The following ROBO2 variants were observed in gnomAD, a reference collection of about 807,000 sequenced individuals.
ROBO2 encodes the protein roundabout guidance receptor 2.
Under a neutral mutation model 160.8 loss-of-function variants are expected in ROBO2, and 53 were observed. The ratio of observed to expected loss-of-function variants is 0.33; its 90% CI spans 0.26 to 0.41. ROBO2 has a LOEUF of 0.41. Ranked by LOEUF, ROBO2 falls within the 10% of genes least tolerant of loss-of-function variation. The pLI is 1.00. For missense variants in ROBO2, 1,577 were observed against 1,722.4 expected, an observed-to-expected ratio of 0.92 and a Z score of 1.49; for synonymous variants, 664 against 611.7, an observed-to-expected ratio of 1.09 and a Z score of -1.26.
chr3:76,776,541 C>T (rs914187549), intron 2 of ROBO2, among the ~76,000 whole-genome samples: 1 of 150,562 alleles, frequency 6.6e-6, no homozygotes, highest in African/African-American at 2.4e-5. Flanking sequence ...TACTTCACAC[C>T]CTTTAAGGGC....
At chr3:75,938,563 C>A (rs1381940099) in intron 2 of ROBO2, among the ~76,000 whole-genome samples, 1 of 151,940 alleles carries the variant, frequency 6.6e-6, no homozygotes, top group African/African-American at 2.4e-5. Context: ...AGGTGTATTA[C>A]TCCAGATAAA....
At chr3:77,279,094 T>A (rs1215052512) in intron 2 of ROBO2, among the ~76,000 whole-genome samples, 1 of 152,130 alleles carries the variant, frequency 6.6e-6, no homozygotes, top group Non-Finnish European at 1.5e-5. Context: ...TGTTGTGAGA[T>A]GTGTTAAGGG....
intron 2 of ROBO2, among the ~76,000 whole-genome samples, chr3:76,745,277 A>G (rs1576374690): frequency 1.3e-5 from 2 of 152,240 alleles, no homozygotes; most frequent in South Asian, 2.1e-4. Context: ...TCGAGTTACT[A>G]TATTTCTTCC....
At chr3:77,377,296 C>T (rs562132015) in intron 2 of ROBO2, among the ~76,000 whole-genome samples, 8 of 152,276 alleles carry the variant, frequency 5.3e-5, no homozygotes, top group African/African-American at 1.4e-4. Flanking sequence ...TTTCCAATGG[C>T]AACTGATGTT....
chr3:76,685,801 T>C (rs921045779), intron 2 of ROBO2, among the ~76,000 whole-genome samples: 1 of 152,170 alleles, frequency 6.6e-6, no homozygotes, highest in Non-Finnish European at 1.5e-5. Context: ...AAATGAATAT[T>C]AATGTGCATC....
intron 2 of ROBO2, among the ~76,000 whole-genome samples, chr3:77,387,703 C>A (rs2153495279): frequency 6.6e-6 from 1 of 151,972 alleles, no homozygotes; most frequent in East Asian, 1.9e-4. Flanking sequence ...TGTTCCTAAG[C>A]AGATAGCTAC....
At chr3:76,694,784 T>C (rs2092892792) in intron 2 of ROBO2, among the ~76,000 whole-genome samples, 3 of 152,188 alleles carry the variant, frequency 2.0e-5, no homozygotes. Context: ...ATATGAACAT[T>C]GACCATGTTA....
At chr3:77,050,937 G>T (rs1292585958) in intron 1 of ROBO2, among the ~76,000 whole-genome samples, 1 of 151,444 alleles carries the variant, frequency 6.6e-6, no homozygotes, top group East Asian at 1.9e-4. Flanking sequence ...AGGATTGCTT[G>T]TGTCTGCGAG....
rs772327319 is a variant in ROBO2, at chr3:77,557,905, A to G, written c.1232-39A>G. 37 of 1,469,306 alleles carry G rather than the reference A, an allele frequency of 2.5e-5. 2 individuals are homozygous for G. In the South Asian group the frequency reaches 3.8e-4, roughly 15 times the overall value. The allele number at this position is 1,469,306 out of a possible 1,614,324, so 91.0% of individuals were successfully genotyped here. A position where few individuals can be genotyped will look rare whatever the true frequency, so the allele number is the denominator to read the frequency against. On this transcript the variant is annotated intron_variant, in intron 8 of 25. Coordinates refer to ENST00000461745, the Ensembl canonical transcript of ROBO2. ...CAATATATCAAGCCTACTGAACTAC[A>G]TTGATGTTAAAATACCTGAAAAGAG...
intron 2 of ROBO2, among the ~76,000 whole-genome samples, chr3:76,823,606 G>GAACCTTTCCTTTTCACACTACCTCAA (rs2066306400): frequency 6.6e-6 from 1 of 152,106 alleles, no homozygotes. Context: ...AGAATTATGA[G>GAACCTTTCCTTTTCACACTACCTCAA]TGCGATGAGC....
At chr3:75,956,981 C>T (rs1161566698) in intron 2 of ROBO2, among the ~76,000 whole-genome samples, 2 of 151,550 alleles carry the variant, frequency 1.3e-5, no homozygotes, top group Non-Finnish European at 3.0e-5. Context: ...TATTTTAGGG[C>T]ATACAGTTGA....
intron 2 of ROBO2, among the ~76,000 whole-genome samples, chr3:76,159,077 A>G (rs2072519906): frequency 6.6e-6 from 1 of 152,198 alleles, no homozygotes; most frequent in Non-Finnish European, 1.5e-5. Flanking sequence ...TGGGATGTGT[A>G]GTGAATTTGA....
chr3:76,862,886 C>T (rs970219203), intron 2 of ROBO2, among the ~76,000 whole-genome samples: 7 of 152,062 alleles, frequency 4.6e-5, no homozygotes, highest in African/African-American at 1.7e-4. Context: ...ACAATTTTCA[C>T]GTCTCTTTTC....
chr3:75,966,198 G>T (rs865782856), intron 2 of ROBO2, among the ~76,000 whole-genome samples: 8 of 151,620 alleles, frequency 5.3e-5, no homozygotes, highest in Non-Finnish European at 1.0e-4. Flanking sequence ...ACTCAAATTG[G>T]TTGGGTAAAA....
At chr3:76,284,011 C>T (rs1559718218) in intron 2 of ROBO2, among the ~76,000 whole-genome samples, 1 of 151,920 alleles carries the variant, frequency 6.6e-6, no homozygotes, top group South Asian at 2.1e-4. Flanking sequence ...AATTAAAAAG[C>T]CTAGAACCAA....
exon 2 of ROBO2, chr3:77,098,153 T>A: frequency 6.2e-7 from 1 of 1,614,124 alleles, no homozygotes; most frequent in Non-Finnish European, 8.5e-7. Context: ...GGTACAAAGA[T>A]GGGGAGCGAG....
At chr3:76,445,203 A>C (rs570042212) in intron 2 of ROBO2, among the ~76,000 whole-genome samples, 2 of 152,316 alleles carry the variant, frequency 1.3e-5, no homozygotes, top group South Asian at 2.1e-4. Flanking sequence ...TCATATTTCA[A>C]AATTAACTTT....
chr3:76,065,679 C>G (rs1342154863), intron 2 of ROBO2, among the ~76,000 whole-genome samples: 2 of 149,062 alleles, frequency 1.3e-5, no homozygotes, highest in African/African-American at 5.0e-5. Context: ...AAAAATACAG[C>G]CTGATATGGG....
At chr3:76,507,375 A>G (rs2080851705) in intron 2 of ROBO2, among the ~76,000 whole-genome samples, 1 of 152,056 alleles carries the variant, frequency 6.6e-6, no homozygotes, top group Non-Finnish European at 1.5e-5. Flanking sequence ...TCTTTATGTA[A>G]TTACTAAATA....
Sources: allele counts gnomAD v4.1 joint callset (sites outside exome capture counted in the v4.1 genomes callset), GRCh38; gene constraint gnomAD v4.1.1; transcripts MANE v1.5; gene names NCBI Gene and HGNC (gene_info 2026-07-23, HGNC 2026-07-21).